PCDH19: variants seen among roughly 807,000 people sequenced by gnomAD.
The protein encoded by PCDH19 is protocadherin-19.
In PCDH19, 6 loss-of-function variants were observed where a neutral mutation model predicts 46.2. The observed-to-expected ratio is 0.13, with a 90% CI of 0.07 to 0.26. The LOEUF (loss-of-function observed/expected upper bound fraction) is 0.26, where lower values mean the gene tolerates loss of function less well. PCDH19 is among the 10% of genes least tolerant of loss of function. The pLI is 1.00. For missense variants in PCDH19, 740 were observed against 972.3 expected (o/e 0.76, Z 3.18); for synonymous variants, 481 against 415.7 (o/e 1.16, Z -1.91).
chrX:100,371,884 C>CACACACACA (rs1555981142), intron 3 of PCDH19, among the ~76,000 whole-genome samples: 200 of 89,047 alleles, frequency 2.2e-3, no homozygotes, highest in Non-Finnish European at 3.3e-3. Flanking sequence ...ACACACACAC[C>CACACACACA]CACACAAAAC....
At position 100,409,870 on chromosome X, in the gene PCDH19, T is replaced by C. The variant is rs1296652913; in HGVS notation, c.-1273A>G. ...TGATTTCATCTTCCCGGAGAGGCGC[T>C]GGCCGCGCTGCGTTGGGCTCCCTTC... On this transcript the variant is annotated 5_prime_UTR_variant, in exon 1 of 6. Transcript: ENST00000373034. 2 of 309,072 alleles carry C rather than the reference T, an allele frequency of 6.5e-6. No homozygotes were observed. Among genetic ancestry groups the C allele is most frequent in the African/African-American group, 5.6e-5 (2 of 35,950 alleles). The allele number at this position is 309,072 out of a possible 1,213,427, so 25.5% of individuals were successfully genotyped here. A position where few individuals can be genotyped will look rare whatever the true frequency, so the allele number is the denominator to read the frequency against.
intron 3 of PCDH19, among the ~76,000 whole-genome samples, chrX:100,393,411 A>G (rs1319585844): frequency 2.7e-5 from 3 of 109,488 alleles, no homozygotes; most frequent in African/African-American, 1.0e-4. Flanking sequence ...GAGTGAGAGA[A>G]GCAGATAATG....
intron 3 of PCDH19, among the ~76,000 whole-genome samples, chrX:100,374,837 G>A (rs1353054664): frequency 9.0e-6 from 1 of 111,010 alleles, no homozygotes. Flanking sequence ...TACCCGGGAG[G>A]CTGAGGCAGG....
chrX:100,352,829 G>A (rs1926609836), intron 3 of PCDH19, among the ~76,000 whole-genome samples: 1 of 111,752 alleles, frequency 8.9e-6, no homozygotes, highest in Non-Finnish European at 1.9e-5. Context: ...GCAGGACCAC[G>A]GGCCAATTAA....
chrX:100,310,641 T>C (rs968552762), intron 5 of PCDH19, among the ~76,000 whole-genome samples: 3 of 109,835 alleles, frequency 2.7e-5, no homozygotes, highest in Admixed American at 9.9e-5. Context: ...CATAGGACCG[T>C]TTTTGAAAGT....
At chrX:100,373,294 C>T (rs1927279353) in intron 3 of PCDH19, among the ~76,000 whole-genome samples, 1 of 113,025 alleles carries the variant, frequency 8.8e-6, no homozygotes, top group South Asian at 3.6e-4. Context: ...AGCCACCTCC[C>T]CCAGCCTCCT....
At chrX:100,396,006 G>A (rs1198678990) in intron 3 of PCDH19, among the ~76,000 whole-genome samples, 2 of 111,824 alleles carry the variant, frequency 1.8e-5, no homozygotes, top group African/African-American at 6.5e-5. Context: ...CCTCTTCTCC[G>A]TGGGGGAAAA....
rs1418606546 is a variant in PCDH19 at position 100,322,856 on chromosome X, TA to T, written c.2848+19046del. Among the ~76,000 whole-genome samples the T allele has an allele frequency of 5.9e-3, 361 of 61,664 alleles. 18 individuals carry two copies. The highest frequency in any genetic ancestry group is 0.024 in the African/African-American group (343 of 14,215). 53.5% of individuals were successfully genotyped at this position (61,664 alleles called of 115,157 possible). ...AAGTATATATATATATATATATATA[TA>T]TATATATATTTTTGCAGCTATTGTA... On this transcript the variant is annotated intron_variant, in intron 5 of 5. Transcript: ENST00000373034.
At chrX:100,389,200 T>C (rs1927797346) in intron 3 of PCDH19, among the ~76,000 whole-genome samples, 1 of 111,477 alleles carries the variant, frequency 9.0e-6, no homozygotes, top group Admixed American at 9.6e-5. Context: ...TTTCTTCGTA[T>C]CACCATCTGT....
chrX:100,345,660 T>C (rs1019593672), intron 4 of PCDH19, among the ~76,000 whole-genome samples: 2 of 111,587 alleles, frequency 1.8e-5, no homozygotes, highest in African/African-American at 6.5e-5. Flanking sequence ...ATTATGGAAA[T>C]AATAAAACAG....
chrX:100,359,813 G>A (rs867518267), intron 3 of PCDH19, among the ~76,000 whole-genome samples: 1 of 106,774 alleles, frequency 9.4e-6, no homozygotes, highest in African/African-American at 3.6e-5. Flanking sequence ...GTGTGTGTAT[G>A]TGTGTGTGTG....
chrX:100,333,186 A>G (rs1468123087), intron 5 of PCDH19, among the ~76,000 whole-genome samples: 2 of 47,546 alleles, frequency 4.2e-5, no homozygotes, highest in African/African-American at 1.7e-4. Context: ...AGAGAGAGAG[A>G]AAGAAAGAAA....
In PCDH19 at chrX:100,319,208, G is replaced by T. The variant is rs183799890; in HGVS notation, c.2849-22333C>A. ...TTAACAGGGAGCATAATGTGAGAGG[G>T]GAATTGGAGTGGAGTGGAGAAGTTG... On this transcript the variant is annotated intron_variant, in intron 5 of 5. Transcript: ENST00000373034. Among the ~76,000 whole-genome samples the T allele has an allele frequency of 3.0e-4, 33 of 111,573 alleles. 1 individual carries two copies. Among genetic ancestry groups the T allele is most frequent in the African/African-American group, 1.1e-3 (33 of 30,700 alleles).
chrX:100,388,746 C>A (rs1927783868), intron 3 of PCDH19, among the ~76,000 whole-genome samples: 1 of 109,144 alleles, frequency 9.2e-6, no homozygotes, highest in Non-Finnish European at 1.9e-5. Flanking sequence ...TTTTTTTAAT[C>A]TTTGCTTATT....
intron 3 of PCDH19, among the ~76,000 whole-genome samples, chrX:100,384,501 T>C (rs1319767400): frequency 9.0e-6 from 1 of 111,485 alleles, no homozygotes; most frequent in South Asian, 3.8e-4. Flanking sequence ...ATTTCATGTA[T>C]ATATAAACCA....
At chrX:100,333,185 GAA>G (rs60294528) in intron 5 of PCDH19, among the ~76,000 whole-genome samples, 13,691 of 61,827 alleles carry the variant, frequency 0.22, 1,617 homozygotes, top group Middle Eastern at 0.42. Flanking sequence ...GAGAGAGAGA[GAA>G]AGAAAGAAAG....
chrX:100,324,793 G>T (rs1333108715), intron 5 of PCDH19, among the ~76,000 whole-genome samples: 1 of 111,168 alleles, frequency 9.0e-6, no homozygotes, highest in African/African-American at 3.3e-5. Context: ...GCATCATCTT[G>T]CCGCTACTCT....
chrX:100,354,378 T>C (rs887115013), intron 3 of PCDH19, among the ~76,000 whole-genome samples: 1 of 111,832 alleles, frequency 8.9e-6, no homozygotes, highest in Non-Finnish European at 1.9e-5. Context: ...TTGTAAAACA[T>C]AAAAATAAAA....
intron 3 of PCDH19, among the ~76,000 whole-genome samples, chrX:100,361,712 G>A (rs1364007079): frequency 9.0e-6 from 1 of 111,541 alleles, no homozygotes; most frequent in Non-Finnish European, 1.9e-5. Context: ...CAAGAGACTT[G>A]CCCTCTACTA....
Sources: allele counts gnomAD v4.1 joint callset (sites outside exome capture counted in the v4.1 genomes callset), GRCh38; gene constraint gnomAD v4.1.1; transcripts MANE v1.5; gene names NCBI Gene and HGNC (gene_info 2026-07-23, HGNC 2026-07-21).